KCNH5: variants seen among roughly 807,000 people sequenced by gnomAD.
KCNH5 encodes the protein potassium voltage-gated channel subfamily H member 5.
In KCNH5, 46 loss-of-function variants were observed where a neutral mutation model predicts 96.1. That is an observed-to-expected ratio of 0.48 (90% confidence interval 0.38 to 0.61). The LOEUF is 0.61. Among genes scored for constraint, KCNH5 ranks in the 20% least tolerant of loss-of-function variants. The pLI is 0.00. For synonymous variants in KCNH5, 439 were observed against 449.8 expected, an observed-to-expected ratio of 0.98 and a Z score of 0.30; for missense variants, 907 against 1,225.8, an observed-to-expected ratio of 0.74 and a Z score of 3.88.
chr14:63,015,716 A>G (rs1891314506), intron 2 of KCNH5, among the ~76,000 whole-genome samples: 1 of 151,938 alleles, frequency 6.6e-6, no homozygotes, highest in Admixed American at 6.6e-5. Flanking sequence ...CTGCAGTTAT[A>G]ACGCCCTGTG....
At chr14:62,763,582 T>C (rs1344305767) in intron 10 of KCNH5, among the ~76,000 whole-genome samples, 7 of 151,892 alleles carry the variant, frequency 4.6e-5, no homozygotes, top group Non-Finnish European at 7.4e-5. Context: ...GCATGAAAGA[T>C]CAACAAACCA....
rs568717157 is a variant in KCNH5, at chr14:62,985,215, T to C, written c.549+1857A>G. Among the ~76,000 whole-genome samples the C allele has an allele frequency of 6.4e-4, 98 of 152,336 alleles. 1 individual carries two copies. Among genetic ancestry groups the C allele is most frequent in the African/African-American group, 2.3e-3 (95 of 41,580 alleles). ...TTATTATTACTAGTTAATATTTAGT[T>C]ATATTAATGTCTTATTTTGGTCTTC... On this transcript the variant is annotated intron_variant, in intron 5 of 10. Coordinates refer to ENST00000322893, the MANE Select transcript of KCNH5 (RefSeq NM_139318.5).
At chr14:62,892,979 C>T (rs565804069) in intron 7 of KCNH5, among the ~76,000 whole-genome samples, 1 of 152,278 alleles carries the variant, frequency 6.6e-6, no homozygotes, top group East Asian at 1.9e-4. Context: ...ACACAACATC[C>T]ATTCTGCAGC....
chr14:62,940,681 T>A (rs1435138669), intron 7 of KCNH5, among the ~76,000 whole-genome samples: 1 of 152,236 alleles, frequency 6.6e-6, no homozygotes, highest in Non-Finnish European at 1.5e-5. Context: ...CTATGTTCTC[T>A]ATACCTGGAA....
intron 7 of KCNH5, among the ~76,000 whole-genome samples, chr14:62,918,546 C>G (rs772417253): frequency 3.3e-5 from 5 of 151,984 alleles, no homozygotes; most frequent in Non-Finnish European, 7.4e-5. Context: ...AAAGAAACAG[C>G]ATACTAATAA....
intron 9 of KCNH5, among the ~76,000 whole-genome samples, chr14:62,785,941 C>T (rs1886311789): frequency 6.6e-6 from 1 of 152,040 alleles, no homozygotes; most frequent in African/African-American, 2.4e-5. Context: ...GCCTGTAATC[C>T]CAGCACTTTG....
chr14:62,915,010 C>T (rs955608019), intron 7 of KCNH5, among the ~76,000 whole-genome samples: 2 of 152,200 alleles, frequency 1.3e-5, no homozygotes, highest in Admixed American at 6.5e-5. Flanking sequence ...TGAGCCAGTG[C>T]CTGGCACAGA....
At chr14:63,018,318 G>C (rs1891364039) in intron 1 of KCNH5, among the ~76,000 whole-genome samples, 1 of 151,940 alleles carries the variant, frequency 6.6e-6, no homozygotes, top group South Asian at 2.1e-4. Flanking sequence ...GGGTGGCAGA[G>C]CAACTTGGAG....
intron 8 of KCNH5, among the ~76,000 whole-genome samples, chr14:62,831,584 T>G (rs953376623): frequency 6.6e-6 from 1 of 152,252 alleles, no homozygotes; most frequent in Admixed American, 6.5e-5. Context: ...TATTTCTTAC[T>G]GATTTTCAAG....
intron 8 of KCNH5, among the ~76,000 whole-genome samples, chr14:62,825,746 T>C (rs553301355): frequency 1.3e-5 from 2 of 151,902 alleles, no homozygotes; most frequent in East Asian, 1.9e-4. Context: ...TCCTTTCTTT[T>C]TTCTTTCTGT....
At chr14:62,974,281 T>C (rs1168077071) in intron 6 of KCNH5, among the ~76,000 whole-genome samples, 3 of 152,164 alleles carry the variant, frequency 2.0e-5, no homozygotes, top group Admixed American at 2.0e-4. Context: ...TCCTGAATCC[T>C]CCTATGCTAC....
intron 9 of KCNH5, among the ~76,000 whole-genome samples, chr14:62,780,161 G>C (rs1466389016): frequency 2.6e-5 from 4 of 152,142 alleles, no homozygotes; most frequent in African/African-American, 4.8e-5. Flanking sequence ...GGATCCAACA[G>C]AGAAGCCAAA....
intron 7 of KCNH5, among the ~76,000 whole-genome samples, chr14:62,889,907 C>A (rs4899100): frequency 0.16 from 24,408 of 152,094 alleles, 2,173 homozygotes; most frequent in East Asian, 0.27. Context: ...AGTTCATAAA[C>A]ATGTTCTGAT....
intron 2 of KCNH5, among the ~76,000 whole-genome samples, chr14:63,011,128 A>C (rs561436620): frequency 1.1e-4 from 16 of 152,210 alleles, no homozygotes; most frequent in Non-Finnish European, 2.2e-4. Flanking sequence ...TCTACAGTCG[A>C]AGGATCAAAA....
At chr14:62,783,623 C>A (rs2139980225) in intron 9 of KCNH5, among the ~76,000 whole-genome samples, 1 of 152,234 alleles carries the variant, frequency 6.6e-6, no homozygotes, top group Non-Finnish European at 1.5e-5. Context: ...TCAGTATTTT[C>A]ACTTCTGAGA....
At chr14:63,031,357 T>C (rs971457080) in intron 1 of KCNH5, among the ~76,000 whole-genome samples, 1 of 152,152 alleles carries the variant, frequency 6.6e-6, no homozygotes, top group South Asian at 2.1e-4. Flanking sequence ...ACACAAATCA[T>C]GGGATCAATA....
chr14:62,984,889 C>T (rs1238966941), intron 5 of KCNH5, among the ~76,000 whole-genome samples: 2 of 152,148 alleles, frequency 1.3e-5, no homozygotes, highest in Non-Finnish European at 2.9e-5. Context: ...ATTCTGGGTG[C>T]TAAGGGAGAA....
At chr14:62,780,135 A>G (rs1010131154) in intron 9 of KCNH5, among the ~76,000 whole-genome samples, 9 of 152,210 alleles carry the variant, frequency 5.9e-5, no homozygotes, top group Non-Finnish European at 1.3e-4. Flanking sequence ...GAAAATCTGG[A>G]GTGGCATGAA....
intron 10 of KCNH5, among the ~76,000 whole-genome samples, chr14:62,718,338 T>C (rs1884730643): frequency 1.3e-5 from 2 of 152,060 alleles, no homozygotes; most frequent in Admixed American, 1.3e-4. Flanking sequence ...ATCCAGAATA[T>C]ATAAAGAGCT....
Sources: gnomAD v4.1 joint callset for allele counts (sites outside exome capture counted in the v4.1 genomes callset) on GRCh38, gnomAD v4.1.1 for gene constraint, MANE v1.5 for transcripts, NCBI Gene and HGNC (gene_info 2026-07-23, HGNC 2026-07-21) for gene names.